The following MAP2 variants were observed in gnomAD, a reference collection of about 807,000 sequenced individuals.
The protein encoded by MAP2 is microtubule-associated protein 2.
Under a neutral mutation model 137.6 loss-of-function variants are expected in MAP2, and 14 were observed. That is an observed-to-expected ratio of 0.10 (90% confidence interval 0.07 to 0.16). MAP2 has a LOEUF of 0.16. Among genes scored for constraint, MAP2 ranks in the 10% least tolerant of loss-of-function variants. MAP2 has a pLI of 1.00. For synonymous variants in MAP2, 786 were observed against 782.3 expected, an observed-to-expected ratio of 1.00 and a Z score of -0.08; for missense variants, 2,088 against 2,191.5, an observed-to-expected ratio of 0.95 and a Z score of 0.94.
At chr2:209,446,347 A>G (rs1699048911) in intron 1 of MAP2, among the ~76,000 whole-genome samples, 1 of 151,700 alleles carries the variant, frequency 6.6e-6, no homozygotes, top group African/African-American at 2.4e-5. Context: ...CTTTAATATT[A>G]CATTGTATAT....
In MAP2 at chr2:209,631,005, CAAAAAAAAAAAA is replaced by C. The variant is rs776266690; in HGVS notation, c.-30+5895_-30+5906del. ...TTTCAAGATTGAAGGGAGCTACAAG[CAAAAAAAAAAAA>C]AAAAAAAAAAAAAAAAAAGAGAGAG... On this transcript the variant is annotated intron_variant, in intron 4 of 15. Transcript: ENST00000682079. Among the ~76,000 whole-genome samples, 174 of 42,138 alleles carry C rather than the reference CAAAAAAAAAAAA, an allele frequency of 4.1e-3. 2 individuals are homozygous for C. Among genetic ancestry groups the C allele is most frequent in the African/African-American group, 6.9e-3 (98 of 14,224 alleles). The allele number at this position is 42,138 out of a possible 152,430, so 27.6% of individuals were successfully genotyped here.
intron 3 of MAP2, among the ~76,000 whole-genome samples, chr2:209,615,601 A>G (rs556494250): frequency 1.2e-3 from 181 of 152,328 alleles, no homozygotes; most frequent in Non-Finnish European, 1.9e-3. Context: ...CAATGACTCT[A>G]TAGGGGAAGT....
chr2:209,658,902 G>A (rs1270561126), intron 5 of MAP2, among the ~76,000 whole-genome samples: 3 of 152,204 alleles, frequency 2.0e-5, no homozygotes, highest in African/African-American at 7.2e-5. Context: ...AGAAATGTGT[G>A]TAGAATTGCA....
At chr2:209,586,151 A>T (rs1048766221) in intron 3 of MAP2, among the ~76,000 whole-genome samples, 3 of 152,160 alleles carry the variant, frequency 2.0e-5, no homozygotes, top group Non-Finnish European at 4.4e-5. Context: ...ACTCAAAGAA[A>T]AGAGAGATAA....
intron 4 of MAP2, among the ~76,000 whole-genome samples, chr2:209,650,497 G>T (rs1336201016): frequency 6.6e-6 from 1 of 151,924 alleles, no homozygotes; most frequent in African/African-American, 2.4e-5. Context: ...TCAATAGAGG[G>T]GTATATGATT....
At chr2:209,634,997 G>A (rs1051088568) in intron 4 of MAP2, among the ~76,000 whole-genome samples, 1 of 152,264 alleles carries the variant, frequency 6.6e-6, no homozygotes, top group African/African-American at 2.4e-5. Context: ...GGGAGGCTGA[G>A]ATGGGAGGAT....
chr2:209,461,542 G>A (rs2149595141), intron 1 of MAP2, among the ~76,000 whole-genome samples: 1 of 151,962 alleles, frequency 6.6e-6, no homozygotes, highest in Admixed American at 6.5e-5. Context: ...TGCAACCTCT[G>A]TCTCTCAGGT....
intron 13 of MAP2, among the ~76,000 whole-genome samples, chr2:209,716,907 G>A (rs2067891737): frequency 6.6e-6 from 1 of 152,068 alleles, no homozygotes; most frequent in Non-Finnish European, 1.5e-5. Flanking sequence ...ATTCATTTAG[G>A]TATTCTAATA....
Position 209,694,703 on chromosome 2 carries a change from A to C in MAP2, c.2533A>C (p.Thr845Pro). ...AGAGACTGTGGTTGAGGATAGTCGT[A>C]CTGGCTTGCCCCCGGTAACTGATGA... The part of the protein sequence containing the change: ...PSETVVEDSR[T>P]GLPPVTDENH... The change falls in exon 8 of 16, where the codon ACT (threonine) becomes CCT (proline). Residue 845 changes from threonine (T) to proline (P), a missense_variant. Physicochemically the swap from Thr to Pro is conservative, Grantham distance 38. Coordinates refer to ENST00000682079, the MANE Select transcript of MAP2 (RefSeq NM_001375505.1). 1 of 1,614,154 alleles carries C rather than the reference A, an allele frequency of 6.2e-7. No homozygotes were observed. Among genetic ancestry groups the C allele is most frequent in the South Asian group, 1.1e-5 (1 of 91,088 alleles).
intron 1 of MAP2, among the ~76,000 whole-genome samples, chr2:209,478,361 T>C (rs1379688520): frequency 6.6e-6 from 1 of 152,206 alleles, no homozygotes; most frequent in African/African-American, 2.4e-5. Flanking sequence ...ATACATTTAT[T>C]TTAAAAACTA....
chr2:209,455,700 A>C (rs1199473310), intron 1 of MAP2, among the ~76,000 whole-genome samples: 1 of 152,324 alleles, frequency 6.6e-6, no homozygotes, highest in East Asian at 1.9e-4. Context: ...AAATTTTTTA[A>C]GGTTTCTAGT....
Position 209,500,253 on chromosome 2 carries a change from A to G in MAP2, c.-221-7339A>G, listed in dbSNP as rs563655451. On this transcript the variant is annotated intron_variant, in intron 1 of 15. Transcript: ENST00000682079. ...CAAAATTAAATATGTTTAATTGAAT[A>G]GCCTCCTCAGATTGTCATTCAAGGT... 3.9e-5 allele frequency among the ~76,000 whole-genome samples: 6 copies of G among 152,338 alleles called. No homozygotes were observed. In the South Asian group the frequency reaches 1.2e-3, roughly 32 times the overall value.
At chr2:209,671,114 A>T (rs369778650) in intron 5 of MAP2, among the ~76,000 whole-genome samples, 2 of 151,906 alleles carry the variant, frequency 1.3e-5, no homozygotes, top group South Asian at 4.1e-4. Context: ...TTAATCGCTA[A>T]ATCTTTAGAA....
chr2:209,451,812 G>A (rs912816996), intron 1 of MAP2, among the ~76,000 whole-genome samples: 3 of 152,124 alleles, frequency 2.0e-5, no homozygotes, highest in African/African-American at 7.2e-5. Flanking sequence ...GCTCCATTTT[G>A]GGGGACTCAG....
At chr2:209,538,887 T>C (rs2066429292) in intron 2 of MAP2, among the ~76,000 whole-genome samples, 1 of 152,192 alleles carries the variant, frequency 6.6e-6, no homozygotes, top group Non-Finnish European at 1.5e-5. Context: ...AATATCATTG[T>C]TGCTTTTAAG....
At chr2:209,595,078 T>C (rs190399093) in intron 3 of MAP2, among the ~76,000 whole-genome samples, 58 of 152,284 alleles carry the variant, frequency 3.8e-4, no homozygotes, top group Admixed American at 3.7e-3. Context: ...GTGGTAGCAG[T>C]ATTAAAATAA....
chr2:209,659,973 G>T (rs2042655350), intron 5 of MAP2, among the ~76,000 whole-genome samples: 2 of 152,026 alleles, frequency 1.3e-5, no homozygotes, highest in Admixed American at 1.3e-4. Flanking sequence ...AGGAGGCGGA[G>T]CTTGCAGCGA....
intron 1 of MAP2, among the ~76,000 whole-genome samples, chr2:209,499,658 G>A (rs2060150293): frequency 6.6e-6 from 1 of 152,178 alleles, no homozygotes; most frequent in Non-Finnish European, 1.5e-5. Context: ...GAAACACAGT[G>A]CCGGCATCAG....
At chr2:209,630,339 T>C (rs146064087) in intron 4 of MAP2, among the ~76,000 whole-genome samples, 12 of 152,260 alleles carry the variant, frequency 7.9e-5, no homozygotes, top group African/African-American at 2.9e-4. Context: ...AAGATGACTA[T>C]AGATAACTCT....
Sources: allele counts gnomAD v4.1 joint callset (sites outside exome capture counted in the v4.1 genomes callset), GRCh38; gene constraint gnomAD v4.1.1; transcripts MANE v1.5; gene names NCBI Gene and HGNC (gene_info 2026-07-23, HGNC 2026-07-21).